The following PDE1A variants were observed in gnomAD, a reference collection of about 807,000 sequenced individuals.
PDE1A encodes the protein dual specificity calcium/calmodulin-dependent 3',5'-cyclic nucleotide phosphodiesterase 1A.
Under a neutral mutation model 61.7 loss-of-function variants are expected in PDE1A, and 35 were observed. That is an observed-to-expected ratio of 0.57 (90% CI 0.43 to 0.75). The LOEUF (loss-of-function observed/expected upper bound fraction) is 0.75, where lower values mean the gene tolerates loss of function less well. PDE1A is among the 30% of genes least tolerant of loss of function. PDE1A has a pLI of 0.00. For synonymous variants in PDE1A, 232 were observed against 213.2 expected (o/e 1.09, Z -0.77); for missense variants, 597 against 630.6 (o/e 0.95, Z 0.57).
chr2:182,218,719 C>G (rs1302535944), intron 7 of PDE1A, among the ~76,000 whole-genome samples: 3 of 152,056 alleles, frequency 2.0e-5, no homozygotes, highest in African/African-American at 7.2e-5. Context: ...TTGATAAGAT[C>G]ATGTGATTTT....
chr2:182,243,828 C>T (rs957964227), intron 2 of PDE1A, among the ~76,000 whole-genome samples: 1 of 152,136 alleles, frequency 6.6e-6, no homozygotes, highest in African/African-American at 2.4e-5. Flanking sequence ...GTCCTATAAA[C>T]ATATGGCTCA....
At chr2:182,558,414 CTATT>C in the PDE1A span, among the ~76,000 whole-genome samples, 8 of 152,048 alleles carry the variant, frequency 5.3e-5, no homozygotes, top group African/African-American at 1.9e-4. Flanking sequence ...CTCCATATCT[CTATT>C]TAGCCCTTTG....
At chr2:182,146,004 C>A (rs1426721306), downstream of PDE1A, among the ~76,000 whole-genome samples, 3 of 152,128 alleles carry the variant, frequency 2.0e-5, no homozygotes, top group African/African-American at 7.2e-5. Flanking sequence ...CTTGCCCCAA[C>A]CCACCACCCC....
At chr2:182,474,084 A>C (rs1687207728) in intron 2 of PDE1A, among the ~76,000 whole-genome samples, 2 of 152,030 alleles carry the variant, frequency 1.3e-5, no homozygotes, top group African/African-American at 4.8e-5. Flanking sequence ...ACAATGGTTG[A>C]ATTAATTTAC....
At chr2:182,252,702 A>G (rs1355532496) in intron 2 of PDE1A, among the ~76,000 whole-genome samples, 2 of 152,158 alleles carry the variant, frequency 1.3e-5, no homozygotes, top group Non-Finnish European at 2.9e-5. Flanking sequence ...CCTGCAGCAG[A>G]AGCCAGCTGA....
At chr2:182,236,487 T>G (rs2125671264) in intron 3 of PDE1A, among the ~76,000 whole-genome samples, 1 of 152,236 alleles carries the variant, frequency 6.6e-6, no homozygotes, top group East Asian at 1.9e-4. Flanking sequence ...TTAAGAAATT[T>G]TAAAATGTTA....
At chr2:182,391,243 A>G (rs1701403945) in intron 1 of PDE1A, among the ~76,000 whole-genome samples, 1 of 151,936 alleles carries the variant, frequency 6.6e-6, no homozygotes, top group Non-Finnish European at 1.5e-5. Context: ...CAGCTCTGGG[A>G]GTTATATTGA....
chr2:182,489,359 A>G (rs34384812), intron 2 of PDE1A, among the ~76,000 whole-genome samples: 11,306 of 152,240 alleles, frequency 0.074, 1,362 homozygotes, highest in African/African-American at 0.26. Flanking sequence ...ACTCTGAGAT[A>G]AAGGGCCAAT....
chr2:182,706,191 C>G, the PDE1A span, among the ~76,000 whole-genome samples: 1 of 152,168 alleles, frequency 6.6e-6, no homozygotes, highest in African/African-American at 2.4e-5. Flanking sequence ...CCTCAAAGAG[C>G]CTCTTAGCGG....
chr2:182,304,890 C>T (rs1176277326), intron 1 of PDE1A, among the ~76,000 whole-genome samples: 1 of 152,104 alleles, frequency 6.6e-6, no homozygotes, highest in African/African-American at 2.4e-5. Context: ...ATGAAATAAG[C>T]ATATGCTATT....
At chr2:182,651,541 T>C in the PDE1A span, among the ~76,000 whole-genome samples, 1 of 152,230 alleles carries the variant, frequency 6.6e-6, no homozygotes, top group African/African-American at 2.4e-5. Context: ...TAATTTGTAT[T>C]CTACTTTCTA....
intron 8 of PDE1A, 23 bp downstream of exon 8, chr2:182,205,917 T>A: frequency 6.3e-7 from 1 of 1,587,896 alleles, no homozygotes; most frequent in Non-Finnish European, 8.6e-7. Context: ...TTAAATTTCC[T>A]CTAGGTTTTC....
At chr2:182,264,771 G>A (rs967559081) in intron 1 of PDE1A, among the ~76,000 whole-genome samples, 2 of 149,068 alleles carry the variant, frequency 1.3e-5, no homozygotes, top group Non-Finnish European at 3.0e-5. Flanking sequence ...TTGGCACTAG[G>A]AGAATATTCA....
the PDE1A span, among the ~76,000 whole-genome samples, chr2:182,700,107 C>G: frequency 6.6e-6 from 1 of 152,140 alleles, no homozygotes; most frequent in Admixed American, 6.5e-5. Context: ...TGTCATTGTA[C>G]CACTTTTCTT....
chr2:182,553,630 G>A, the PDE1A span, among the ~76,000 whole-genome samples: 4 of 152,212 alleles, frequency 2.6e-5, no homozygotes, highest in Admixed American at 6.5e-5. Flanking sequence ...GTGTTAAAAC[G>A]AAAATATGTA....
At chr2:182,444,265 C>A (rs936918747) in intron 2 of PDE1A, among the ~76,000 whole-genome samples, 8 of 152,138 alleles carry the variant, frequency 5.3e-5, no homozygotes, top group African/African-American at 1.7e-4. Context: ...CATGTTTAAC[C>A]CTCAGTATGG....
exon 8 of PDE1A, chr2:182,206,051 A>G: frequency 6.2e-7 from 1 of 1,609,982 alleles, no homozygotes; most frequent in Non-Finnish European, 8.5e-7. Context: ...ATTATACAAA[A>G]TGGCAACATC....
chr2:182,254,456 A>G (rs538880215), intron 2 of PDE1A, among the ~76,000 whole-genome samples: 57 of 152,308 alleles, frequency 3.7e-4, no homozygotes, highest in African/African-American at 1.1e-3. Flanking sequence ...GACTTTTCCA[A>G]ATGGAAATAA....
At chr2:182,627,591 C>A in the PDE1A span, among the ~76,000 whole-genome samples, 13 of 150,820 alleles carry the variant, frequency 8.6e-5, no homozygotes, top group Admixed American at 2.7e-4. Context: ...TTAATTATGT[C>A]TATTTGCTGT....
Sources: allele counts gnomAD v4.1 joint callset (sites outside exome capture counted in the v4.1 genomes callset), GRCh38; gene constraint gnomAD v4.1.1; transcripts MANE v1.5; gene names NCBI Gene and HGNC (gene_info 2026-07-23, HGNC 2026-07-21).